Variants in FAM47E observed in about 807,000 individuals in gnomAD.
The protein encoded by FAM47E is family with sequence similarity 47 member E.
Under a neutral mutation model 41.6 loss-of-function variants are expected in FAM47E, and 32 were observed. The ratio of observed to expected loss-of-function variants is 0.77; its 90% confidence interval spans 0.58 to 1.03. The LOEUF (loss-of-function observed/expected upper bound fraction) is 1.03. FAM47E is among the 50% of genes least tolerant of loss of function. The probability of loss-of-function intolerance (pLI) is 0.00; values close to 1 mark genes in which losing one functional copy is unlikely to be tolerated. For synonymous variants in FAM47E, 184 were observed against 188.7 expected, an observed-to-expected ratio of 0.98 and a Z score of 0.20; for missense variants, 424 against 485.4, an observed-to-expected ratio of 0.87 and a Z score of 1.19.
Position 76,271,778 on chromosome 4 carries a change from G to T in FAM47E, c.870+10G>T, listed in dbSNP as rs998287271. ...ACTCCAGAAACCACAGGTAATTGCA[G>T]AAGGGGACCAGACCGAAAATCAAAG... On this transcript the variant is annotated intron_variant, in intron 5 of 7. Coordinates refer to ENST00000424749, the MANE Select transcript of FAM47E (RefSeq NM_001136570.3). 6 of 1,548,360 alleles carry T rather than the reference G, an allele frequency of 3.9e-6. No homozygotes were observed. Among genetic ancestry groups the T allele is most frequent in the Non-Finnish European group, 5.2e-6 (6 of 1,145,852 alleles).
At chr4:76,248,855 G>A (rs191525896), upstream of FAM47E, among the ~76,000 whole-genome samples, 2 of 152,078 alleles carry the variant, frequency 1.3e-5, no homozygotes, top group African/African-American at 4.8e-5. Context: ...GTAATCAAGT[G>A]AGTATATGTT....
intron 5 of FAM47E, among the ~76,000 whole-genome samples, chr4:76,272,543 C>A (rs1734934955): frequency 6.6e-6 from 1 of 152,220 alleles, no homozygotes; most frequent in African/African-American, 2.4e-5. Flanking sequence ...CATTTGCCAA[C>A]CTATTTTGGC....
rs943661890 is a variant in FAM47E, at chr4:76,251,821, G to C, written c.74+1G>C. The C allele has an allele frequency of 2.0e-6, 3 of 1,464,700 alleles. No individual in the cohort carries two copies. Among genetic ancestry groups the C allele is most frequent in the East Asian group, 5.7e-5 (2 of 35,042 alleles). 90.7% of individuals were successfully genotyped at this position (1,464,700 alleles called of 1,614,324 possible). ...GCGAGGGCGTGAACTGCAGGTCCAG[G>C]TAAACACTCAGCGCCCGGGCCGAGG... On this transcript the variant is annotated splice_donor_variant, in intron 1 of 7. Transcript: ENST00000424749. LOFTEE classifies it high-confidence loss of function.
chr4:76,253,350 G>A (rs1734051471), intron 1 of FAM47E, among the ~76,000 whole-genome samples: 1 of 152,132 alleles, frequency 6.6e-6, no homozygotes, highest in African/African-American at 2.4e-5. Context: ...TTTGTGTACA[G>A]AATTTTCTGA....
At chr4:76,239,591 G>A (rs1293963598) in intron 2 of FAM47E, among the ~76,000 whole-genome samples, 1 of 152,006 alleles carries the variant, frequency 6.6e-6, no homozygotes, top group East Asian at 1.9e-4. Context: ...TTTTGTTGTT[G>A]TTGAGTTTTA....
chr4:76,243,491 C>T (rs1167693807), intron 2 of FAM47E, among the ~76,000 whole-genome samples: 10 of 152,142 alleles, frequency 6.6e-5, no homozygotes, highest in Admixed American at 3.9e-4. Flanking sequence ...TTTCATAACC[C>T]ACAAAGCATT....
intron 2 of FAM47E, among the ~76,000 whole-genome samples, chr4:76,261,773 C>T (rs891022392): frequency 1.3e-5 from 2 of 152,046 alleles, no homozygotes; most frequent in South Asian, 4.1e-4. Flanking sequence ...CCCAGTATTA[C>T]ACAACATACT....
chr4:76,222,926 G>A (rs536354289), intron 2 of FAM47E, among the ~76,000 whole-genome samples: 2 of 152,274 alleles, frequency 1.3e-5, no homozygotes, highest in South Asian at 2.1e-4. Flanking sequence ...GGCAGGGGGG[G>A]AAGAGGCCCA....
intron 2 of FAM47E, among the ~76,000 whole-genome samples, chr4:76,217,964 A>G (rs899669327): frequency 6.6e-5 from 10 of 152,266 alleles, no homozygotes; most frequent in African/African-American, 2.4e-4. Context: ...CTATACTCAA[A>G]TGAGTTTAAT....
chr4:76,253,847 T>C (rs1734074720), intron 1 of FAM47E, among the ~76,000 whole-genome samples: 1 of 150,566 alleles, frequency 6.6e-6, no homozygotes, highest in African/African-American at 2.4e-5. Context: ...GGAAAGTGGC[T>C]CGCGCCTGTA....
At chr4:76,260,246 G>A (rs1371316500) in intron 2 of FAM47E, among the ~76,000 whole-genome samples, 1 of 152,060 alleles carries the variant, frequency 6.6e-6, no homozygotes, top group Non-Finnish European at 1.5e-5. Flanking sequence ...AAAAGTGTCT[G>A]ATTAGCCGAA....
At chr4:76,242,878 T>C (rs1733740138) in intron 2 of FAM47E, among the ~76,000 whole-genome samples, 1 of 152,228 alleles carries the variant, frequency 6.6e-6, no homozygotes, top group Non-Finnish European at 1.5e-5. Context: ...AATGTATACT[T>C]ACGTGGCTCA....
chr4:76,237,637 T>C (rs1733616616), intron 2 of FAM47E, among the ~76,000 whole-genome samples: 1 of 152,174 alleles, frequency 6.6e-6, no homozygotes, highest in Non-Finnish European at 1.5e-5. Flanking sequence ...AGAGGTTTAA[T>C]GGCTCATGGT....
intron 1 of FAM47E, among the ~76,000 whole-genome samples, chr4:76,254,959 G>A (rs1266512605): frequency 1.3e-5 from 2 of 152,164 alleles, no homozygotes; most frequent in Non-Finnish European, 2.9e-5. Flanking sequence ...AGGAGGCTGA[G>A]TGAAGCAGCT....
intron 4 of FAM47E, chr4:76,269,096 C>A: frequency 3.8e-6 from 1 of 261,454 alleles, no homozygotes; most frequent in South Asian, 8.0e-5. Flanking sequence ...CTCTCTTTCA[C>A]TCCTTCAACT....
At chr4:76,251,685 G>A, upstream of FAM47E, 1 of 1,398,268 alleles carries the variant, frequency 7.2e-7, no homozygotes, top group Non-Finnish European at 9.3e-7. Flanking sequence ...CCTAGCAACG[G>A]GGCGGCAGCA....
At chr4:76,258,663 A>G (rs1258172148) in intron 2 of FAM47E, among the ~76,000 whole-genome samples, 1 of 152,212 alleles carries the variant, frequency 6.6e-6, no homozygotes, top group Non-Finnish European at 1.5e-5. Context: ...CCCAAAAGAC[A>G]TAGTCCCAAA....
At chr4:76,222,088 C>A (rs1328641114) in intron 2 of FAM47E, among the ~76,000 whole-genome samples, 3 of 152,232 alleles carry the variant, frequency 2.0e-5, no homozygotes, top group African/African-American at 7.2e-5. Flanking sequence ...CACAGAATTT[C>A]AGGGAGGCTG....
intron 2 of FAM47E, among the ~76,000 whole-genome samples, chr4:76,228,452 C>T (rs1163638654): frequency 1.3e-5 from 2 of 151,042 alleles, no homozygotes; most frequent in Non-Finnish European, 2.9e-5. Context: ...GCACTCCAGC[C>T]TGGGCGATGG....
Sources: gnomAD v4.1 joint callset for allele counts (sites outside exome capture counted in the v4.1 genomes callset) on GRCh38, gnomAD v4.1.1 for gene constraint, MANE v1.5 for transcripts, NCBI Gene and HGNC (gene_info 2026-07-23, HGNC 2026-07-21) for gene names.